The following FARP1 variants were observed in gnomAD, a reference collection of about 807,000 sequenced individuals.
The protein encoded by FARP1 is FERM, ARH/RhoGEF and pleckstrin domain protein 1, also known as FERM, ARHGEF and pleckstrin domain-containing protein 1.
A neutral mutation model predicts 128.8 loss-of-function variants in FARP1; 52 were observed. The observed-to-expected ratio is 0.40, with a 90% confidence interval of 0.32 to 0.51. FARP1 has a LOEUF of 0.51. Among genes scored for constraint, FARP1 ranks in the 20% least tolerant of loss-of-function variants. FARP1 has a pLI of 0.45. For synonymous variants in FARP1, 580 were observed against 551.8 expected, an observed-to-expected ratio of 1.05 and a Z score of -0.72; for missense variants, 1,333 against 1,367.9, an observed-to-expected ratio of 0.97 and a Z score of 0.40.
chr13:98,166,035 C>G (rs1877246160), intron 1 of FARP1, among the ~76,000 whole-genome samples: 1 of 151,988 alleles, frequency 6.6e-6, no homozygotes, highest in African/African-American at 2.4e-5. Context: ...GTCTTTTATG[C>G]ATAGACATTT....
intron 2 of FARP1, among the ~76,000 whole-genome samples, chr13:98,316,958 C>T (rs1047235763): frequency 3.3e-5 from 5 of 152,204 alleles, no homozygotes; most frequent in South Asian, 4.1e-4. Flanking sequence ...TAGGAAGGAA[C>T]ACCTGTGAGG....
chr13:98,277,148 A>ACACACACACACAC (rs372627844), intron 2 of FARP1, among the ~76,000 whole-genome samples: 8 of 138,578 alleles, frequency 5.8e-5, no homozygotes, highest in Admixed American at 1.4e-4. Flanking sequence ...ACACACACAC[A>ACACACACACACAC]CCCCATATGT....
rs74353701 is a variant in FARP1, at chr13:98,315,664, C to A, written c.172-28098C>A. Among the ~76,000 whole-genome samples, 31 of 152,134 alleles carry A rather than the reference C, an allele frequency of 2.0e-4. 1 individual carries two copies. The highest frequency in any genetic ancestry group is 1.8e-3 in the Admixed American group (28 of 15,276). On this transcript the variant is annotated intron_variant, in intron 2 of 26. Coordinates refer to ENST00000319562, the MANE Select transcript of FARP1 (RefSeq NM_005766.4). Reference sequence around the variant, plus strand: ...GGAGACGGCCGTGCTTAGGAGCTCACATCTGCTCGCTCTTCCTTCCTTCGC... The same window carrying A: ...GGAGACGGCCGTGCTTAGGAGCTCAAATCTGCTCGCTCTTCCTTCCTTCGC...
At position 98,176,231 on chromosome 13, in the gene FARP1, T is replaced by C. The variant is rs1878009160; in HGVS notation, c.-24+32739T>C. Reference sequence around the variant, plus strand: ...TGAGAATTATGGGAAACCTAAGCCATGGGAATTGGACACTCATGGGGGTCT... The same window carrying C: ...TGAGAATTATGGGAAACCTAAGCCACGGGAATTGGACACTCATGGGGGTCT... On this transcript the variant is annotated intron_variant, in intron 1 of 26. Transcript: ENST00000319562. This position sits in a 1 kb window ranked among gnomAD's most constrained non-coding sequence, Gnocchi z 6.2. 1.2e-6 allele frequency: 2 copies of C among 1,607,080 alleles called. No individual in the cohort carries two copies. The highest frequency in any genetic ancestry group is 2.2e-5 in the South Asian group (2 of 90,674).
At chr13:98,428,778 C>T (rs148068844) in intron 17 of FARP1, among the ~76,000 whole-genome samples, 1 of 152,332 alleles carries the variant, frequency 6.6e-6, no homozygotes, top group East Asian at 1.9e-4. Context: ...ACAGGGAAGA[C>T]CTTTGGACAC....
intron 1 of FARP1, among the ~76,000 whole-genome samples, chr13:98,181,393 T>G (rs945576982): frequency 1.3e-5 from 2 of 152,092 alleles, no homozygotes; most frequent in African/African-American, 2.4e-5. Flanking sequence ...AGACTTAAGT[T>G]TAGATTTTTG....
chr13:98,365,200 T>C (rs1025496147), intron 3 of FARP1, among the ~76,000 whole-genome samples, 195 bp from the exon 4 acceptor site: 1 of 152,240 alleles, frequency 6.6e-6, no homozygotes, highest in Admixed American at 6.5e-5. Context: ...AGCTCAGGGA[T>C]AATATCAGCA....
At chr13:98,413,313 G>A (rs1445089307) in intron 16 of FARP1, among the ~76,000 whole-genome samples, 1 of 152,170 alleles carries the variant, frequency 6.6e-6, no homozygotes, top group Non-Finnish European at 1.5e-5. Context: ...AAAATGCCAC[G>A]TTAGCAAGAG....
chr13:98,243,370 A>C (rs1882881770), intron 2 of FARP1, among the ~76,000 whole-genome samples: 1 of 151,996 alleles, frequency 6.6e-6, no homozygotes, highest in Non-Finnish European at 1.5e-5. Context: ...ATGAAGAGAG[A>C]CTTCTTTTTC....
At chr13:98,260,616 C>T (rs1161912917) in intron 2 of FARP1, among the ~76,000 whole-genome samples, 2 of 152,154 alleles carry the variant, frequency 1.3e-5, no homozygotes, top group African/African-American at 4.8e-5. Flanking sequence ...TATAAAGCTG[C>T]CCACACACTC....
chr13:98,341,493 G>A (rs1433654651), intron 2 of FARP1, among the ~76,000 whole-genome samples: 2 of 152,120 alleles, frequency 1.3e-5, no homozygotes, highest in African/African-American at 4.8e-5. Context: ...TTAGCTGGGC[G>A]TGGTGGCGGG....
At chr13:98,207,535 C>T (rs534944444) in intron 1 of FARP1, among the ~76,000 whole-genome samples, 8 of 152,022 alleles carry the variant, frequency 5.3e-5, no homozygotes, top group African/African-American at 1.4e-4. Context: ...TCCTTCCTGC[C>T]GTCATCGGCT....
intron 6 of FARP1, among the ~76,000 whole-genome samples, chr13:98,379,125 A>C (rs868214463): frequency 0.017 from 887 of 53,336 alleles, 162 homozygotes; most frequent in African/African-American, 0.13. Context: ...TATATATAAT[A>C]TATATATAAT....
intron 6 of FARP1, among the ~76,000 whole-genome samples, chr13:98,379,189 A>ATAATATATAATCT (rs1457734327): frequency 4.2e-5 from 3 of 71,394 alleles, no homozygotes; most frequent in East Asian, 5.0e-4. Context: ...TAATATATAT[A>ATAATATATAATCT]ATATATAATA....
chr13:98,236,075 C>T (rs1316873240), intron 2 of FARP1, among the ~76,000 whole-genome samples: 3 of 152,156 alleles, frequency 2.0e-5, no homozygotes, highest in African/African-American at 4.8e-5. Context: ...CTGCCCGCCT[C>T]GGCCTTCCGA....
intron 1 of FARP1, among the ~76,000 whole-genome samples, chr13:98,145,701 A>G (rs1470669981): frequency 3.3e-5 from 5 of 151,898 alleles, no homozygotes; most frequent in African/African-American, 9.7e-5. Context: ...TGTCTCTACT[A>G]AAAATACAAA....
chr13:98,389,846 A>G, intron 9 of FARP1, 111 bp from the exon 10 acceptor site: 1 of 1,036,580 alleles, frequency 9.6e-7, no homozygotes, highest in Non-Finnish European at 1.4e-6. Context: ...CTATAATAAA[A>G]TACACAGCGA....
rs1295309186 is a variant in FARP1 at position 98,430,990 on chromosome 13, C to T, written c.1906-53C>T. 6.0e-6 allele frequency: 7 copies of T among 1,168,654 alleles called. No homozygotes were observed. The African/African-American group carries it at 9.1e-5, about 15-fold the overall frequency. 72.4% of individuals were successfully genotyped at this position (1,168,654 alleles called of 1,614,324 possible). ...TCCCCAAGTGAAACTGGGCAGAACA[C>T]AGGTGCATCCCATTCAGCTGAACAG... On this transcript the variant is annotated intron_variant, in intron 17 of 26. Transcript: ENST00000319562.
chr13:98,385,832 A>G lies in FARP1; in HGVS notation c.759+18A>G, dbSNP rs910914395. The G allele has an allele frequency of 1.9e-6, 3 of 1,612,778 alleles. No individual in the cohort carries two copies. The highest frequency in any genetic ancestry group is 2.5e-6 in the Non-Finnish European group (3 of 1,179,518). ...TGTTTCAGGTGAGAGCCTTGAGAAC[A>G]CGGCCTGGTTCCCTTGGTGACAGAG... On this transcript the variant is annotated intron_variant, in intron 8 of 26. Coordinates refer to ENST00000319562, the MANE Select transcript of FARP1 (RefSeq NM_005766.4).
Sources: allele counts gnomAD v4.1 joint callset (sites outside exome capture counted in the v4.1 genomes callset), GRCh38; gene constraint gnomAD v4.1.1; non-coding constraint Gnocchi (gnomAD v3.1); transcripts MANE v1.5; gene names NCBI Gene and HGNC (gene_info 2026-07-23, HGNC 2026-07-21).